The following TRPM3 variants were observed in gnomAD, a reference collection of about 807,000 sequenced individuals.
TRPM3 encodes the protein transient receptor potential cation channel subfamily M member 3.
TRPM3 carries 77 observed loss-of-function variants against 181.2 expected under a neutral mutation model. That is an observed-to-expected ratio of 0.42 (90% CI 0.35 to 0.51). The LOEUF (loss-of-function observed/expected upper bound fraction) is 0.51. Ranked by LOEUF, TRPM3 falls within the 20% of genes least tolerant of loss-of-function variation. The pLI is 0.01. For synonymous variants in TRPM3, 745 were observed against 796.4 expected, an observed-to-expected ratio of 0.94 and a Z score of 1.09; for missense variants, 1,759 against 2,196.7, an observed-to-expected ratio of 0.80 and a Z score of 3.98.
At chr9:71,087,172 T>C (rs1173398569) in intron 1 of TRPM3, among the ~76,000 whole-genome samples, 1 of 151,992 alleles carries the variant, frequency 6.6e-6, no homozygotes, top group African/African-American at 2.4e-5. Flanking sequence ...CAATCTTACT[T>C]TTCAGCCTTA....
At chr9:70,770,091 T>G (rs930338432) in intron 7 of TRPM3, among the ~76,000 whole-genome samples, 1 of 147,542 alleles carries the variant, frequency 6.8e-6, no homozygotes, top group African/African-American at 2.4e-5. Context: ...ATCTTTCTCT[T>G]GTTGTTTAAA....
At chr9:71,264,563 T>C (rs1410712189) in intron 1 of TRPM3, among the ~76,000 whole-genome samples, 1 of 152,174 alleles carries the variant, frequency 6.6e-6, no homozygotes, top group African/African-American at 2.4e-5. Context: ...CCTGTAAGCA[T>C]ACAAGCACGA....
chr9:71,420,741 G>GAGAGAGAGAA (rs1565557165), intron 1 of TRPM3, among the ~76,000 whole-genome samples: 17 of 26,608 alleles, frequency 6.4e-4, no homozygotes, highest in South Asian at 2.7e-3. Flanking sequence ...GAGAGAAAGA[G>GAGAGAGAGAA]AGAGAAAGAG....
At chr9:71,254,171 C>T (rs530358386) in intron 1 of TRPM3, among the ~76,000 whole-genome samples, 1 of 152,228 alleles carries the variant, frequency 6.6e-6, no homozygotes, top group East Asian at 1.9e-4. Flanking sequence ...GCCCACCTCA[C>T]GCTCCCAAAG....
chr9:70,739,277 A>G (rs1376945445), intron 8 of TRPM3, among the ~76,000 whole-genome samples: 2 of 152,214 alleles, frequency 1.3e-5, no homozygotes, highest in Non-Finnish European at 2.9e-5. Flanking sequence ...AAGATAATAC[A>G]TCATGATCAA....
Position 71,057,457 on chromosome 9 carries a change from C to T in TRPM3, c.177+63721G>A, listed in dbSNP as rs117715194. ...ATTTAAATCGTTTTCTGTTTTTATTCCTTGACGCTAGGTCTCTACCTTTCA... is the reference window on the plus strand; with the variant it reads ...ATTTAAATCGTTTTCTGTTTTTATTTCTTGACGCTAGGTCTCTACCTTTCA... On this transcript the variant is annotated intron_variant, in intron 1 of 25. Transcript: ENST00000677713. 4.9e-3 allele frequency among the ~76,000 whole-genome samples: 745 copies of T among 152,104 alleles called. 17 individuals carry two copies. In the East Asian group the frequency reaches 0.077, roughly 16 times the overall value.
intron 1 of TRPM3, among the ~76,000 whole-genome samples, chr9:71,270,264 C>A (rs1006307805): frequency 1.3e-5 from 2 of 152,130 alleles, no homozygotes; most frequent in African/African-American, 4.8e-5. Context: ...GCAGAAGAAT[C>A]GCTTGAACCT....
At chr9:71,376,388 G>A (rs1028402240) in intron 1 of TRPM3, among the ~76,000 whole-genome samples, 6 of 151,872 alleles carry the variant, frequency 4.0e-5, no homozygotes, top group Non-Finnish European at 7.4e-5. Context: ...ATAGAATAAG[G>A]TTATAAATAT....
At chr9:70,809,758 T>C (rs1459904817) in intron 6 of TRPM3, among the ~76,000 whole-genome samples, 1 of 152,222 alleles carries the variant, frequency 6.6e-6, no homozygotes, top group East Asian at 1.9e-4. Flanking sequence ...CTTTGCTTCC[T>C]TTTCAAGTCA....
At chr9:71,262,368 A>T (rs958860552) in intron 1 of TRPM3, among the ~76,000 whole-genome samples, 1 of 152,122 alleles carries the variant, frequency 6.6e-6, no homozygotes, top group African/African-American at 2.4e-5. Flanking sequence ...CCCTCCCCCA[A>T]CCAAGCTCCA....
intron 3 of TRPM3, among the ~76,000 whole-genome samples, chr9:70,852,786 T>C (rs1012934920): frequency 6.6e-6 from 1 of 152,168 alleles, no homozygotes; most frequent in African/African-American, 2.4e-5. Flanking sequence ...TCTCCCTGCA[T>C]TTGGCCAGCA....
intron 1 of TRPM3, among the ~76,000 whole-genome samples, chr9:71,200,148 A>G (rs1432739499): frequency 6.6e-6 from 1 of 152,072 alleles, no homozygotes; most frequent in Non-Finnish European, 1.5e-5. Context: ...GTCATTCAGG[A>G]GGAGGTTGTT....
chr9:70,923,174 A>G (rs2096675547), intron 1 of TRPM3, among the ~76,000 whole-genome samples: 1 of 152,230 alleles, frequency 6.6e-6, no homozygotes, highest in Non-Finnish European at 1.5e-5. Context: ...AATAAAAACA[A>G]AAAAAGCCTA....
In TRPM3 at chr9:70,846,569, G is replaced by A. The variant is rs1354529859; in HGVS notation, c.485C>T (p.Thr162Ile). Residue 162 changes from threonine to isoleucine, a missense_variant, in exon 4 of 26, where the codon ACA becomes ATA. Thr to Ile is a moderately conservative substitution (Grantham distance 89). Transcript: ENST00000677713. ...CAGGTGTAAGAGGAGATCAGGTTTTGTATCAAAAGATACTCGCACATACTG... is the reference window on the plus strand; with the variant it reads ...CAGGTGTAAGAGGAGATCAGGTTTTATATCAAAAGATACTCGCACATACTG... ...KAMYVRVSFD[T>I]KPDLLLHLMT... The A allele has an allele frequency of 1.2e-6, 2 of 1,613,988 alleles. No individual in the cohort carries two copies. Among genetic ancestry groups the A allele is most frequent in the Non-Finnish European group, 1.7e-6 (2 of 1,180,006 alleles).
intron 22 of TRPM3, among the ~76,000 whole-genome samples, chr9:70,572,140 T>TGTGTGTGTGTGTGTG (rs1272978993): frequency 4.0e-5 from 5 of 125,912 alleles, no homozygotes; most frequent in African/African-American, 1.5e-4. Flanking sequence ...GTGTGTGTGT[T>TGTGTGTGTGTGTGTG]TCCCACATGA....
At chr9:71,351,139 C>G (rs2091600589) in intron 1 of TRPM3, among the ~76,000 whole-genome samples, 1 of 152,124 alleles carries the variant, frequency 6.6e-6, no homozygotes, top group Admixed American at 6.6e-5. Flanking sequence ...AATATGAAAA[C>G]ATTTTTCTTG....
At chr9:71,183,227 C>A (rs1242767989) in intron 1 of TRPM3, among the ~76,000 whole-genome samples, 4 of 152,080 alleles carry the variant, frequency 2.6e-5, no homozygotes, top group African/African-American at 4.8e-5. Context: ...CACAGTCAAA[C>A]TCTGCAAGGT....
At chr9:70,866,690 C>A (rs983056446) in intron 1 of TRPM3, among the ~76,000 whole-genome samples, 1 of 152,024 alleles carries the variant, frequency 6.6e-6, no homozygotes, top group Non-Finnish European at 1.5e-5. Flanking sequence ...TGGCCACTAA[C>A]AAGATATATA....
At chr9:70,950,215 T>G (rs1235477805) in intron 1 of TRPM3, among the ~76,000 whole-genome samples, 2 of 152,204 alleles carry the variant, frequency 1.3e-5, no homozygotes, top group Non-Finnish European at 2.9e-5. Flanking sequence ...AATGACTTTC[T>G]TTTTTAGGTA....
Sources: allele counts gnomAD v4.1 joint callset (sites outside exome capture counted in the v4.1 genomes callset), GRCh38; gene constraint gnomAD v4.1.1; transcripts MANE v1.5; gene names NCBI Gene and HGNC (gene_info 2026-07-23, HGNC 2026-07-21).